The following ASTN1 variants were observed in gnomAD, a reference collection of about 807,000 sequenced individuals.
The protein encoded by ASTN1 is astrotactin-1.
In ASTN1, 41 loss-of-function variants were observed where a neutral mutation model predicts 140.7. The ratio of observed to expected loss-of-function variants is 0.29; its 90% CI spans 0.23 to 0.38. The LOEUF (loss-of-function observed/expected upper bound fraction) is 0.38, where lower values mean the gene tolerates loss of function less well. Among genes scored for constraint, ASTN1 ranks in the 10% least tolerant of loss-of-function variants. The pLI is 1.00. For synonymous variants in ASTN1, 640 were observed against 652.2 expected (o/e 0.98, Z 0.29); for missense variants, 1,479 against 1,678.8 (o/e 0.88, Z 2.08).
chr1:177,063,502 C>G (rs985114601), intron 1 of ASTN1, among the ~76,000 whole-genome samples: 1 of 152,132 alleles, frequency 6.6e-6, no homozygotes, highest in Non-Finnish European at 1.5e-5. Context: ...ACACAGACTT[C>G]TCCAGGAAAA....
chr1:176,865,717 G>GTC (rs1668109565), intron 22 of ASTN1, among the ~76,000 whole-genome samples: 1 of 152,190 alleles, frequency 6.6e-6, no homozygotes, highest in Admixed American at 6.5e-5. Flanking sequence ...ATTTGTATTA[G>GTC]TCCGTTTTCA....
chr1:176,977,477 G>A (rs1306500743), intron 8 of ASTN1, among the ~76,000 whole-genome samples: 1 of 152,204 alleles, frequency 6.6e-6, no homozygotes, highest in Non-Finnish European at 1.5e-5. Context: ...CAGGTGCTAT[G>A]GAGAGCACTG....
chr1:176,945,721 C>T (rs1477738959), intron 13 of ASTN1, among the ~76,000 whole-genome samples: 1 of 152,216 alleles, frequency 6.6e-6, no homozygotes, highest in Non-Finnish European at 1.5e-5. Flanking sequence ...TAACACTTTA[C>T]TGTTAATCCA....
intron 7 of ASTN1, among the ~76,000 whole-genome samples, chr1:177,023,115 T>C (rs1447626461): frequency 6.6e-6 from 1 of 152,216 alleles, no homozygotes; most frequent in African/African-American, 2.4e-5. Flanking sequence ...CTAGCCCCAG[T>C]ATTTAAATAT....
intron 8 of ASTN1, among the ~76,000 whole-genome samples, chr1:176,999,112 T>G (rs1304638123): frequency 6.6e-6 from 1 of 152,204 alleles, no homozygotes; most frequent in Non-Finnish European, 1.5e-5. Flanking sequence ...CAGAACTCCT[T>G]TTAAAGCAAG....
intron 1 of ASTN1, among the ~76,000 whole-genome samples, chr1:177,155,043 A>T (rs374119372): frequency 6.6e-6 from 1 of 152,228 alleles, no homozygotes; most frequent in Non-Finnish European, 1.5e-5. Context: ...CTGAGCTATC[A>T]AGCCATGAAA....
intron 8 of ASTN1, among the ~76,000 whole-genome samples, chr1:176,970,596 T>C (rs1286109003): frequency 6.6e-6 from 1 of 151,674 alleles, no homozygotes; most frequent in African/African-American, 2.4e-5. Context: ...GGTAGATAGA[T>C]AGATAGATAG....
chr1:177,009,128 C>T (rs905635330), intron 8 of ASTN1, among the ~76,000 whole-genome samples: 1 of 152,208 alleles, frequency 6.6e-6, no homozygotes, highest in Admixed American at 6.5e-5. Context: ...AGCTACAGCT[C>T]AACATGCCAG....
chr1:177,126,382 A>G (rs1278802259), intron 1 of ASTN1, among the ~76,000 whole-genome samples: 1 of 152,164 alleles, frequency 6.6e-6, no homozygotes, highest in African/African-American at 2.4e-5. Flanking sequence ...CAGGCTAACA[A>G]GCTGTACCCC....
At chr1:176,866,170 A>T (rs1418808414) in intron 22 of ASTN1, among the ~76,000 whole-genome samples, 1 of 152,130 alleles carries the variant, frequency 6.6e-6, no homozygotes, top group East Asian at 1.9e-4. Flanking sequence ...TCATCAAGAG[A>T]TGACCTCCCT....
chr1:176,931,228 A>C (rs1431440022), intron 16 of ASTN1, among the ~76,000 whole-genome samples: 1 of 152,206 alleles, frequency 6.6e-6, no homozygotes, highest in Non-Finnish European at 1.5e-5. Context: ...GCACTTTGGG[A>C]GGCTGAGGTG....
chr1:177,131,030 CCCT>C (rs1429896851), intron 1 of ASTN1, among the ~76,000 whole-genome samples: 1 of 152,140 alleles, frequency 6.6e-6, no homozygotes, highest in African/African-American at 2.4e-5. Context: ...AAGCACCTTC[CCCT>C]CAAGTCACCA....
In ASTN1 at chr1:176,958,432, A is replaced by T; in HGVS notation, c.1649T>A (p.Phe550Tyr). The T allele has an allele frequency of 6.2e-7, 1 of 1,614,026 alleles. No individual in the cohort carries two copies. Among genetic ancestry groups the T allele is most frequent in the South Asian group, 1.1e-5 (1 of 91,048 alleles). ...EGMWLPLSKS[F>Y]VIPPAELAIN... is the part of the protein sequence containing the mutation. ...GGCCAGTTCGGCTGGTGGAATCACA[A>T]AGCTCTTGCTGAGGGGCAACCACAT... The change falls in exon 10 of 23, where the codon TTT becomes TAT. Residue 550 changes from phenylalanine to tyrosine, a missense_variant. Coordinates refer to ENST00000361833, the MANE Select transcript of ASTN1 (RefSeq NM_004319.3).
At chr1:177,085,399 T>A (rs750911066) in intron 1 of ASTN1, among the ~76,000 whole-genome samples, 1 of 152,154 alleles carries the variant, frequency 6.6e-6, no homozygotes, top group South Asian at 2.1e-4. Context: ...CTGACAAGGA[T>A]CCTTATATTT....
chr1:177,006,874 A>G (rs577476124), intron 8 of ASTN1, among the ~76,000 whole-genome samples: 3 of 152,184 alleles, frequency 2.0e-5, no homozygotes, highest in African/African-American at 2.4e-5. Context: ...AGTCTTGGGA[A>G]AGCGGGATGC....
chr1:177,080,274 A>C (rs931181857), intron 1 of ASTN1, among the ~76,000 whole-genome samples: 2 of 151,476 alleles, frequency 1.3e-5, no homozygotes, highest in African/African-American at 4.8e-5. Context: ...AAAAAAAAAA[A>C]AAAAAAACCG....
intron 14 of ASTN1, among the ~76,000 whole-genome samples, chr1:176,938,195 G>A (rs552304108): frequency 2.0e-5 from 3 of 152,170 alleles, no homozygotes; most frequent in South Asian, 2.1e-4. Flanking sequence ...TAACTTCTAC[G>A]TTAACTTCAA....
intron 1 of ASTN1, among the ~76,000 whole-genome samples, chr1:177,123,617 G>C (rs1292981290): frequency 2.0e-5 from 3 of 152,118 alleles, no homozygotes; most frequent in Non-Finnish European, 4.4e-5. Context: ...ATTCCTATCT[G>C]GCTACCCTAA....
chr1:176,890,560 G>T (rs557660174), intron 17 of ASTN1, among the ~76,000 whole-genome samples: 169 of 152,260 alleles, frequency 1.1e-3, no homozygotes, highest in Non-Finnish European at 1.7e-3. Flanking sequence ...TGAGGCAGGG[G>T]GCCACATTTC....
Sources: gnomAD v4.1 joint callset for allele counts (sites outside exome capture counted in the v4.1 genomes callset) on GRCh38, gnomAD v4.1.1 for gene constraint, MANE v1.5 for transcripts, NCBI Gene and HGNC (gene_info 2026-07-23, HGNC 2026-07-21) for gene names.